INTS6: variants seen among roughly 807,000 people sequenced by gnomAD.
INTS6 encodes the protein DEAD box protein.
INTS6 carries 16 observed loss-of-function variants against 104.9 expected under a neutral mutation model. The ratio of observed to expected loss-of-function variants is 0.15; its 90% CI spans 0.10 to 0.23. The LOEUF is 0.23. Among genes scored for constraint, INTS6 ranks in the 10% least tolerant of loss-of-function variants. INTS6 has a pLI of 1.00. For missense variants in INTS6, 584 were observed against 1,062.8 expected (o/e 0.55, Z 6.26); for synonymous variants, 324 against 358.7 (o/e 0.90, Z 1.09).
In INTS6 at chr13:51,404,063, T is replaced by TACACACACACAC. The variant is rs71085082; in HGVS notation, c.430-8592_430-8581dup. Among the ~76,000 whole-genome samples, 522 of 109,614 alleles carry TACACACACACAC rather than the reference T, an allele frequency of 4.8e-3. 3 individuals are homozygous for TACACACACACAC. The highest frequency in any genetic ancestry group is 0.01 in the Admixed American group (105 of 10,440). The allele number at this position is 109,614 out of a possible 152,430, so 71.9% of individuals were successfully genotyped here. On this transcript the variant is annotated intron_variant, in intron 4 of 17. Transcript: ENST00000311234. ...CATAGTGAGATCCTATCTCTACAAA[T>TACACACACACAC]ACACACACACACACACACACACACA... is the stretch of plus-strand genomic sequence containing the variant.
chr13:51,345,953 T>C, the INTS6 span, among the ~76,000 whole-genome samples: 1 of 152,342 alleles, frequency 6.6e-6, no homozygotes, highest in South Asian at 2.1e-4. Flanking sequence ...GCTAGGGTTC[T>C]ATTTCAATGC....
At chr13:51,441,735 G>A (rs188489612) in intron 3 of INTS6, 5 of 152,008 alleles carry the variant, frequency 3.3e-5, no homozygotes, top group African/African-American at 9.7e-5. Flanking sequence ...AAATACTTAT[G>A]TATGTTATTA....
chr13:51,406,352 G>C (rs1157270353), intron 4 of INTS6, among the ~76,000 whole-genome samples: 2 of 152,102 alleles, frequency 1.3e-5, no homozygotes, highest in African/African-American at 4.8e-5. Flanking sequence ...CTGAACTTAA[G>C]ATTTTCCTCT....
intron 3 of INTS6, chr13:51,447,732 T>TG (rs1218614228): frequency 5.0e-5 from 4 of 80,184 alleles, no homozygotes; most frequent in African/African-American, 2.0e-4. Flanking sequence ...CATAATTTAC[T>TG]GAAAAAAAAA....
intron 9 of INTS6, among the ~76,000 whole-genome samples, chr13:51,382,402 A>G (rs756658238): frequency 5.3e-5 from 8 of 152,246 alleles, no homozygotes; most frequent in Non-Finnish European, 7.3e-5. Context: ...AGCAGATTTG[A>G]AGACAGAAAC....
chr13:51,397,925 A>T (rs1956370470), intron 4 of INTS6, among the ~76,000 whole-genome samples: 1 of 152,154 alleles, frequency 6.6e-6, no homozygotes, highest in African/African-American at 2.4e-5. Flanking sequence ...ACAATGCTGA[A>T]TCTAGAATGA....
At chr13:51,420,211 GTTT>G (rs970558507) in intron 4 of INTS6, among the ~76,000 whole-genome samples, 259 of 149,234 alleles carry the variant, frequency 1.7e-3, no homozygotes, top group African/African-American at 6.2e-3. Flanking sequence ...TTTAATATAT[GTTT>G]TTAACATAAT....
At chr13:51,344,487 T>C in the INTS6 span, 1 of 1,563,728 alleles carries the variant, frequency 6.4e-7, no homozygotes, top group Non-Finnish European at 8.7e-7. Context: ...AGACTGCAGG[T>C]AAAAGAAAAC....
rs767229459 is a variant in INTS6, at chr13:51,452,445, C to T, written c.81G>A (p.Thr27=). ...RSHLGTTYLD[T]AKGAVETFMK... is the part of the protein sequence containing the mutation. ...TGAAGGTCTCTACCGCGCCTTTGGC[C>T]GTGTCCAGGTAGGTGGTGCCCAGAT... The change falls in exon 1 of 18, where the codon ACG becomes ACA. Residue 27 remains threonine (T), a synonymous_variant. Coordinates refer to ENST00000311234, the MANE Select transcript of INTS6 (RefSeq NM_012141.3). The surrounding 1 kb of genome is among the most constrained non-coding windows in gnomAD (Gnocchi z 4.2). 3.7e-6 allele frequency: 6 copies of T among 1,611,474 alleles called. No homozygotes were observed. The highest frequency in any genetic ancestry group is 4.5e-5 in the East Asian group (2 of 44,686).
chr13:51,369,368 A>C (rs1955761127), intron 15 of INTS6, 58 bp from the exon 16 acceptor site: 1 of 1,492,492 alleles, frequency 6.7e-7, no homozygotes, highest in African/African-American at 1.4e-5. Flanking sequence ...CATACAGTAA[A>C]TAAAGCTACA....
intron 4 of INTS6, among the ~76,000 whole-genome samples, chr13:51,412,552 C>T (rs1956707176): frequency 2.0e-5 from 3 of 152,114 alleles, no homozygotes; most frequent in African/African-American, 2.4e-5. Context: ...GGCTCACAAG[C>T]GCACACGTGA....
rs201223923 is a variant in INTS6, at chr13:51,367,943, T to G, written c.2477-45A>C. The G allele has an allele frequency of 9.0e-6, 9 of 1,000,692 alleles. No homozygotes were observed. The African/African-American group carries it at 1.0e-4, about 11-fold the overall frequency. 62.0% of individuals were successfully genotyped at this position (1,000,692 alleles called of 1,614,324 possible). A position where few individuals can be genotyped will look rare whatever the true frequency, so the allele number is the denominator to read the frequency against. On this transcript the variant is annotated intron_variant, in intron 16 of 17. Coordinates refer to ENST00000311234, the MANE Select transcript of INTS6 (RefSeq NM_012141.3). ...AAAGAAAAATTAAGTGCCTTTCATT[T>G]GTATTCTTATTCAATATTCTTCTTT... is the stretch of plus-strand genomic sequence containing the variant.
Position 51,452,204 on chromosome 13 carries a change from C to T in INTS6, c.112-149G>A. The T allele has an allele frequency of 1.4e-6, 1 of 717,922 alleles. No individual in the cohort carries two copies. Among genetic ancestry groups the T allele is most frequent in the Non-Finnish European group, 2.1e-6 (1 of 486,498 alleles). The allele number at this position is 717,922 out of a possible 1,614,324, so 44.5% of individuals were successfully genotyped here. On this transcript the variant is annotated intron_variant, in intron 1 of 17. Coordinates refer to ENST00000311234, the MANE Select transcript of INTS6 (RefSeq NM_012141.3). This position sits in a 1 kb window ranked among gnomAD's most constrained non-coding sequence, Gnocchi z 4.2. ...TCCACGCCGTCCCCCACACACAGAT[C>T]GCTCCCCACACACCGCCCGGGGCCG...
intron 3 of INTS6, chr13:51,444,383 G>C (rs1278160303): frequency 6.7e-6 from 1 of 149,754 alleles, no homozygotes; most frequent in Admixed American, 6.7e-5. Flanking sequence ...GGGATTACAG[G>C]TGTGAGCCAT....
chr13:51,384,821 T>C lies in INTS6; in HGVS notation c.895-1080A>G, dbSNP rs991414981. The C allele has an allele frequency of 7.7e-6, 3 of 389,080 alleles. No homozygotes were observed. The Admixed American group carries it at 9.6e-5, about 12-fold the overall frequency. The allele number at this position is 389,080 out of a possible 1,614,324, so 24.1% of individuals were successfully genotyped here. ...TACTAAACTCTCATCTCTCTAGAAATGTTATCTTCTATTTCTTACCACTTT... is the reference window on the plus strand; with the variant it reads ...TACTAAACTCTCATCTCTCTAGAAACGTTATCTTCTATTTCTTACCACTTT... On this transcript the variant is annotated intron_variant, in intron 7 of 17. Transcript: ENST00000311234.
At chr13:51,429,897 T>C (rs1201394524) in intron 4 of INTS6, among the ~76,000 whole-genome samples, 3 of 150,754 alleles carry the variant, frequency 2.0e-5, no homozygotes, top group Admixed American at 2.0e-4. Flanking sequence ...TTTGCTATAC[T>C]CTAGCCAAGG....
chr13:51,407,288 T>C (rs1257874613), intron 4 of INTS6, among the ~76,000 whole-genome samples: 1 of 152,150 alleles, frequency 6.6e-6, no homozygotes, highest in Non-Finnish European at 1.5e-5. Flanking sequence ...AATGAATACA[T>C]GGATGGATGA....
In INTS6 at chr13:51,363,286, CCA is replaced by C; in HGVS notation, c.*2464_*2465del. 2.0e-5 allele frequency: 3 copies of C among 151,840 alleles called. No homozygotes were observed. Among genetic ancestry groups the C allele is most frequent in the Non-Finnish European group, 2.9e-5 (2 of 67,852 alleles). 9.4% of individuals were successfully genotyped at this position (151,840 alleles called of 1,614,324 possible). On this transcript the variant is annotated 3_prime_UTR_variant, in exon 18 of 18. Coordinates refer to ENST00000311234, the MANE Select transcript of INTS6 (RefSeq NM_012141.3). ...ATCAGAATGAAAATATAAGGATAATCCAAAACCAGTTCCACAATCCACTGGAA... is the reference window on the plus strand; with the variant it reads ...ATCAGAATGAAAATATAAGGATAATCAAACCAGTTCCACAATCCACTGGAA...
At chr13:51,432,469 C>T (rs77733910) in intron 3 of INTS6, among the ~76,000 whole-genome samples, 1 of 147,882 alleles carries the variant, frequency 6.8e-6, no homozygotes, top group African/African-American at 2.5e-5. Flanking sequence ...AAAAAAAAAA[C>T]ACCATCTTGT....
Sources: allele counts gnomAD v4.1 joint callset (sites outside exome capture counted in the v4.1 genomes callset), GRCh38; gene constraint gnomAD v4.1.1; non-coding constraint Gnocchi (gnomAD v3.1); transcripts MANE v1.5; gene names NCBI Gene and HGNC (gene_info 2026-07-23, HGNC 2026-07-21).